Variants in AOPEP observed in about 807,000 individuals in gnomAD.
AOPEP encodes the protein aminopeptidase O.
A neutral mutation model predicts 98.1 loss-of-function variants in AOPEP; 77 were observed. The observed-to-expected ratio is 0.78, with a 90% CI of 0.65 to 0.95. The LOEUF is 0.95. Among genes scored for constraint, AOPEP ranks in the 40% least tolerant of loss-of-function variants. The pLI is 0.00. For missense variants in AOPEP, 1,024 were observed against 1,024.7 expected, an observed-to-expected ratio of 1.00 and a Z score of 0.01; for synonymous variants, 346 against 365.3, an observed-to-expected ratio of 0.95 and a Z score of 0.60.
chr9:94,843,515 A>G (rs2042517068), intron 5 of AOPEP, among the ~76,000 whole-genome samples: 1 of 152,170 alleles, frequency 6.6e-6, no homozygotes, highest in Non-Finnish European at 1.5e-5. Flanking sequence ...AGTGCTGGGC[A>G]CAGTGTCTGG....
intron 14 of AOPEP, chr9:95,065,266 C>T (rs759124123): frequency 1.3e-5 from 2 of 152,232 alleles, no homozygotes; most frequent in African/African-American, 2.4e-5. Flanking sequence ...AGAGTCTAAG[C>T]GTAATAAAGG....
intron 3 of AOPEP, among the ~76,000 whole-genome samples, chr9:94,783,059 A>T (rs1843640601): frequency 6.6e-6 from 1 of 152,176 alleles, no homozygotes; most frequent in South Asian, 2.1e-4. Flanking sequence ...CACCTGGAGC[A>T]GTATGATTTG....
At chr9:95,086,428 T>C in intron 16 of AOPEP, 1 of 985,394 alleles carries the variant, frequency 1.0e-6, no homozygotes, top group Non-Finnish European at 1.2e-6. Context: ...GTGTCTGAAA[T>C]GGGTACTCCT....
In AOPEP at chr9:95,041,442, T is replaced by TGG. The variant is rs1185211172; in HGVS notation, c.2116-19248_2116-19247dup. 2.4e-4 allele frequency among the ~76,000 whole-genome samples: 35 copies of TGG among 147,234 alleles called. 1 individual carries two copies. Among genetic ancestry groups the TGG allele is most frequent in the East Asian group, 1.8e-3 (9 of 4,964 alleles). ...TTGTATACTGTGTACTCAGAGTCCT[T>TGG]GGGGGTGTGTGTGTGTGTGTGTGTG... is the stretch of plus-strand genomic sequence containing the variant. On this transcript the variant is annotated intron_variant, in intron 13 of 16. Transcript: ENST00000375315.
chr9:94,800,856 G>A lies in AOPEP; in HGVS notation c.1218G>A (p.Val406=), dbSNP rs748666898. Reference sequence around the variant, plus strand: ...TTCCTCATCGGGTCTTTGCCCCTGTGTGCCTCACGGGTGCCTGCCAAGAGA... The same window carrying A: ...TTCCTCATCGGGTCTTTGCCCCTGTATGCCTCACGGGTGCCTGCCAAGAGA... ...EIIPHRVFAP[V]CLTGACQETL... Residue 406 remains valine (V), a synonymous_variant, in exon 5 of 17, where the codon GTG becomes GTA. Coordinates refer to ENST00000375315, the MANE Select transcript of AOPEP (RefSeq NM_001193329.3). 4 of 1,614,162 alleles carry A rather than the reference G, an allele frequency of 2.5e-6. No individual in the cohort carries two copies. The Admixed American group carries it at 6.7e-5, about 27-fold the overall frequency.
intron 11 of AOPEP, among the ~76,000 whole-genome samples, chr9:94,981,442 C>T (rs1248778445): frequency 6.6e-6 from 1 of 152,162 alleles, no homozygotes; most frequent in Non-Finnish European, 1.5e-5. Context: ...TCCTTGGGTG[C>T]TTCACTGTTC....
intron 5 of AOPEP, among the ~76,000 whole-genome samples, chr9:94,906,942 G>A (rs1470250201): frequency 6.6e-6 from 1 of 152,190 alleles, no homozygotes; most frequent in Non-Finnish European, 1.5e-5. Context: ...ACACAGAGCT[G>A]TTCCCCCCAT....
At chr9:94,934,195 C>A (rs2055863681) in intron 7 of AOPEP, among the ~76,000 whole-genome samples, 1 of 152,146 alleles carries the variant, frequency 6.6e-6, no homozygotes, top group South Asian at 2.1e-4. Context: ...CACCAGCTAC[C>A]TGAGGCCCTC....
intron 2 of AOPEP, among the ~76,000 whole-genome samples, chr9:94,770,167 C>G (rs1840542086): frequency 6.6e-6 from 1 of 152,184 alleles, no homozygotes; most frequent in South Asian, 2.1e-4. Flanking sequence ...TTATGTAAAG[C>G]CCTTTATAAG....
chr9:94,959,612 G>A (rs2058685803), intron 9 of AOPEP, among the ~76,000 whole-genome samples: 2 of 151,656 alleles, frequency 1.3e-5, no homozygotes, highest in East Asian at 3.9e-4. Flanking sequence ...TTTTCCACCT[G>A]GCATATACTC....
chr9:94,933,039 G>A (rs983678667), intron 7 of AOPEP: 347 of 985,322 alleles, frequency 3.5e-4, no homozygotes, highest in Admixed American at 6.2e-4. Context: ...AAGACCCCAA[G>A]GACTCTCCCA....
At chr9:95,116,808 A>G in the AOPEP span, among the ~76,000 whole-genome samples, 1 of 152,326 alleles carries the variant, frequency 6.6e-6, no homozygotes, top group East Asian at 1.9e-4. Context: ...ATATCAGGAG[A>G]GGCTGTGGAT....
At chr9:94,921,724 A>C (rs1470258402) in intron 5 of AOPEP, among the ~76,000 whole-genome samples, 1 of 152,156 alleles carries the variant, frequency 6.6e-6, no homozygotes, top group Non-Finnish European at 1.5e-5. Flanking sequence ...TGTCAAACCC[A>C]ACCTTAGAGG....
At chr9:94,854,452 T>C (rs933390778) in intron 5 of AOPEP, among the ~76,000 whole-genome samples, 2 of 152,212 alleles carry the variant, frequency 1.3e-5, no homozygotes, top group African/African-American at 4.8e-5. Context: ...ATTAAGATTT[T>C]TAATGCTAAG....
At chr9:94,943,845 G>A (rs536059388) in intron 7 of AOPEP, among the ~76,000 whole-genome samples, 6 of 147,278 alleles carry the variant, frequency 4.1e-5, no homozygotes, top group Admixed American at 1.4e-4. Flanking sequence ...ACTTGAACCC[G>A]AGGGGCAGAG....
chr9:94,786,684 C>T (rs1035797425), intron 3 of AOPEP, among the ~76,000 whole-genome samples: 12 of 152,232 alleles, frequency 7.9e-5, no homozygotes, highest in African/African-American at 2.7e-4. Flanking sequence ...TAGAAACATC[C>T]TCATAGCAGG....
At chr9:94,828,180 T>A (rs143861767) in intron 5 of AOPEP, among the ~76,000 whole-genome samples, 6 of 152,334 alleles carry the variant, frequency 3.9e-5, no homozygotes, top group African/African-American at 1.4e-4. Context: ...ATTTTCTTGA[T>A]AGTGTCCTCT....
At chr9:94,865,212 A>G (rs2045575340) in intron 5 of AOPEP, among the ~76,000 whole-genome samples, 1 of 152,234 alleles carries the variant, frequency 6.6e-6, no homozygotes, top group African/African-American at 2.4e-5. Context: ...CAACAGCAAT[A>G]AACTCTGTGC....
At chr9:95,081,059 G>C (rs1450172221) in intron 15 of AOPEP, among the ~76,000 whole-genome samples, 2 of 152,204 alleles carry the variant, frequency 1.3e-5, no homozygotes, top group African/African-American at 4.8e-5. Flanking sequence ...TCCAGCACCT[G>C]CTAGGCCATG....
Sources: gnomAD v4.1 joint callset for allele counts (sites outside exome capture counted in the v4.1 genomes callset) on GRCh38, gnomAD v4.1.1 for gene constraint, MANE v1.5 for transcripts, NCBI Gene and HGNC (gene_info 2026-07-23, HGNC 2026-07-21) for gene names.